Variants in POTEC observed in about 807,000 individuals in gnomAD.
POTEC encodes ANKRD26-like family B member 2.
A neutral mutation model predicts 62.0 loss-of-function variants in POTEC; 35 were observed. The ratio of observed to expected loss-of-function variants is 0.56; its 90% CI spans 0.43 to 0.75. POTEC has a LOEUF of 0.75. Among genes scored for constraint, POTEC ranks in the 30% least tolerant of loss-of-function variants. The pLI is 0.00. For missense variants in POTEC, 472 were observed against 655.9 expected (o/e 0.72, Z 3.06); for synonymous variants, 156 against 221.5 (o/e 0.70, Z 2.62).
chr18:14,540,832 C>T (rs928428175), intron 1 of POTEC, among the ~76,000 whole-genome samples: 1 of 152,204 alleles, frequency 6.6e-6, no homozygotes, highest in African/African-American at 2.4e-5. Context: ...GTTCTTCACC[C>T]TCACAAACTT....
In POTEC at chr18:14,537,867, G is replaced by C. The variant is rs114980174; in HGVS notation, c.744C>G (p.His248Gln). The C allele has an allele frequency of 1.1e-5, 17 of 1,612,198 alleles. No individual in the cohort carries two copies. The highest frequency in any genetic ancestry group is 1.4e-5 in the Non-Finnish European group (17 of 1,179,762). ...CTTTGGCCATTAATTTATCTTCATT[G>C]TGGACAGCATAGTGTAGAGTGGTAT... The part of the protein sequence containing the change: ...YGNTTLHYAV[H>Q]NEDKLMAKAL... Residue 248 changes from histidine to glutamine, a missense_variant, in exon 3 of 11, where the codon CAC becomes CAG. Physicochemically the swap from His to Gln is conservative, Grantham distance 24. This residue lies in a region of POTEC where 52 missense variants were observed against 54.2 expected (regional missense o/e 0.96). Transcript: ENST00000358970.
intron 6 of POTEC, 44 bp downstream of exon 6, chr18:14,530,439 T>C (rs774700708): frequency 1.9e-5 from 31 of 1,600,374 alleles, no homozygotes; most frequent in Non-Finnish European, 2.2e-5. Context: ...GCCAAAAACA[T>C]TGTGGACAAC....
chr18:14,524,324 A>G (rs1298621592), intron 7 of POTEC, among the ~76,000 whole-genome samples: 1 of 152,160 alleles, frequency 6.6e-6, no homozygotes, highest in Non-Finnish European at 1.5e-5. Flanking sequence ...GAAATGCTGA[A>G]GTCAGTGAGA....
At position 14,543,503 on chromosome 18, in the gene POTEC, C is replaced by T. The variant is rs1222993389; in HGVS notation, c.-357G>A. Reference sequence around the variant, plus strand: ...GAAACGCCAATCCAAGCAAGAAACACCAGGCAAAGCGACTAACGCCAAGCC... The same window carrying T: ...GAAACGCCAATCCAAGCAAGAAACATCAGGCAAAGCGACTAACGCCAAGCC... On this transcript the variant is annotated 5_prime_UTR_variant, in exon 1 of 11. It adds an upstream start codon to the 5' untranslated region. Coordinates refer to ENST00000358970, the MANE Select transcript of POTEC (RefSeq NM_001137671.2). 51 of 431,778 alleles carry T rather than the reference C, an allele frequency of 1.2e-4. No homozygotes were observed. Among genetic ancestry groups the T allele is most frequent in the Admixed American group, 4.2e-4 (10 of 24,076 alleles). 26.7% of individuals were successfully genotyped at this position (431,778 alleles called of 1,614,324 possible).
intron 1 of POTEC, among the ~76,000 whole-genome samples, chr18:14,538,808 C>T (rs1359397338): frequency 2.0e-5 from 3 of 152,152 alleles, no homozygotes; most frequent in Non-Finnish European, 2.9e-5. Flanking sequence ...TGGTCATTGT[C>T]TCCATGTTTT....
intron 9 of POTEC, among the ~76,000 whole-genome samples, chr18:14,517,616 C>A (rs1910199595): frequency 6.6e-6 from 1 of 151,796 alleles, no homozygotes; most frequent in Non-Finnish European, 1.5e-5. Flanking sequence ...AATCCCAGCA[C>A]TTTGAAAGGC....
intron 9 of POTEC, among the ~76,000 whole-genome samples, chr18:14,522,026 A>C (rs1910324197): frequency 6.6e-6 from 1 of 152,166 alleles, no homozygotes; most frequent in Non-Finnish European, 1.5e-5. Flanking sequence ...TAAAAAGAAA[A>C]GAAAATGCCT....
intron 10 of POTEC, 77 bp downstream of exon 10, chr18:14,513,585 C>T (rs1341532389): frequency 3.2e-5 from 48 of 1,512,198 alleles, no homozygotes; most frequent in Non-Finnish European, 4.1e-5. Context: ...TTTAAAAATC[C>T]TTTATACCTT....
intron 6 of POTEC, among the ~76,000 whole-genome samples, chr18:14,529,522 C>A (rs1345473124): frequency 6.6e-6 from 1 of 152,090 alleles, no homozygotes; most frequent in Non-Finnish European, 1.5e-5. Context: ...TTAAAGGTGT[C>A]CTAATACAGT....
rs1192086369 is a variant in POTEC at position 14,509,438 on chromosome 18, G to A, written c.*2460C>T. 6.6e-6 allele frequency: 1 copy of A among 151,840 alleles called. No homozygotes were observed. Among genetic ancestry groups the A allele is most frequent in the Non-Finnish European group, 1.5e-5 (1 of 67,972 alleles). The allele number at this position is 151,840 out of a possible 1,614,324, so 9.4% of individuals were successfully genotyped here. On this transcript the variant is annotated 3_prime_UTR_variant, in exon 11 of 11. Transcript: ENST00000358970. Reference sequence around the variant, plus strand: ...CACCATGGCTTCATCTTCAGTGGCAGTTGGTGTGGGTTGGGGTGTGTGCTG... The same window carrying A: ...CACCATGGCTTCATCTTCAGTGGCAATTGGTGTGGGTTGGGGTGTGTGCTG...
chr18:14,513,508 G>T (rs1426378964), intron 10 of POTEC, among the ~76,000 whole-genome samples, 154 bp downstream of exon 10: 7 of 145,858 alleles, frequency 4.8e-5, no homozygotes, highest in Non-Finnish European at 1.0e-4. Flanking sequence ...ATATGACCAA[G>T]GATATACAGG....
At chr18:14,531,910 T>A (rs1450298266) in intron 5 of POTEC, 5 of 151,700 alleles carry the variant, frequency 3.3e-5, no homozygotes, top group African/African-American at 1.2e-4. Context: ...TCCTGTGAGG[T>A]ACAATTTGAA....
rs186312975 is a variant in POTEC, at chr18:14,522,146, G to A, written c.1409+108C>T. On this transcript the variant is annotated intron_variant, in intron 9 of 10. Transcript: ENST00000358970. Reference sequence around the variant, plus strand: ...ATTTTTCTGATTAACAGGCAAGGCTGAATATTCTAGTAAAAGTATAAAATT... The same window carrying A: ...ATTTTTCTGATTAACAGGCAAGGCTAAATATTCTAGTAAAAGTATAAAATT... The A allele has an allele frequency of 6.7e-5, 100 of 1,493,446 alleles. 1 individual carries two copies. The African/African-American group carries it at 8.7e-4, about 13-fold the overall frequency. The allele number at this position is 1,493,446 out of a possible 1,614,324, so 92.5% of individuals were successfully genotyped here.
intron 1 of POTEC, among the ~76,000 whole-genome samples, chr18:14,541,447 C>A (rs1314532356): frequency 6.6e-6 from 1 of 152,072 alleles, no homozygotes; most frequent in Non-Finnish European, 1.5e-5. Context: ...AGTTCAAGAC[C>A]AGCCTGGCAA....
Position 14,543,444 on chromosome 18 carries a change from A to G in POTEC, c.-298T>C. ...CAAGGGAATGCCAAACCCAGCAGAG[A>G]AAAAGTCAAGCCCAGCAAAGGAATG... On this transcript the variant is annotated 5_prime_UTR_variant, in exon 1 of 11. Coordinates refer to ENST00000358970, the MANE Select transcript of POTEC (RefSeq NM_001137671.2). The G allele has an allele frequency of 1.8e-6, 1 of 565,608 alleles. No individual in the cohort carries two copies. Among genetic ancestry groups the G allele is most frequent in the Admixed American group, 3.3e-5 (1 of 30,284 alleles). 35.0% of individuals were successfully genotyped at this position (565,608 alleles called of 1,614,324 possible). A position where few individuals can be genotyped will look rare whatever the true frequency, so the allele number is the denominator to read the frequency against.
At chr18:14,537,182 C>A (rs1205302379) in intron 3 of POTEC, among the ~76,000 whole-genome samples, 1 of 68,750 alleles carries the variant, frequency 1.5e-5, no homozygotes, top group Non-Finnish European at 2.5e-5. Flanking sequence ...AACACACACA[C>A]ACACACACAC....
At chr18:14,534,455 A>G (rs1027428494) in intron 4 of POTEC, among the ~76,000 whole-genome samples, 12 of 151,866 alleles carry the variant, frequency 7.9e-5, no homozygotes, top group Non-Finnish European at 4.4e-5. Context: ...AGCAACTTAA[A>G]GCAGAGTCGT....
chr18:14,511,335 A>C lies in POTEC; in HGVS notation c.*563T>G, dbSNP rs77488983. 989 of 218,916 alleles carry C rather than the reference A, an allele frequency of 4.5e-3. 21 individuals carry two copies. The East Asian group carries it at 0.068, about 15-fold the overall frequency. 13.6% of individuals were successfully genotyped at this position (218,916 alleles called of 1,614,324 possible). On this transcript the variant is annotated 3_prime_UTR_variant, in exon 11 of 11. Transcript: ENST00000358970. ...TAAAGCAGCTGTGCTATGCCACAGGATCTCTTCTGCCCCTGGTGGGTTTGT... is the reference window on the plus strand; with the variant it reads ...TAAAGCAGCTGTGCTATGCCACAGGCTCTCTTCTGCCCCTGGTGGGTTTGT...
intron 5 of POTEC, among the ~76,000 whole-genome samples, chr18:14,531,417 C>A (rs1215096442): frequency 6.6e-6 from 1 of 151,810 alleles, no homozygotes; most frequent in Non-Finnish European, 1.5e-5. Flanking sequence ...CATGGGAGAC[C>A]AAAACTCTAC....
Sources: gnomAD v4.1 joint callset for allele counts (sites outside exome capture counted in the v4.1 genomes callset) on GRCh38, gnomAD v4.1.1 for gene constraint, gnomAD v4.1.1 regional missense constraint, MANE v1.5 for transcripts, NCBI Gene and HGNC (gene_info 2026-07-23, HGNC 2026-07-21) for gene names.